ZNF792: variants seen among roughly 807,000 people sequenced by gnomAD.
ZNF792 encodes zinc finger protein 792.
ZNF792 carries 14 observed loss-of-function variants against 13.1 expected under a neutral mutation model. That is an observed-to-expected ratio of 1.07 (90% CI 0.71 to 1.67). The LOEUF is 1.67. Ranked by LOEUF, ZNF792 falls within the 40% of genes most tolerant of loss-of-function variation. The probability of loss-of-function intolerance (pLI) is 0.00; values close to 1 mark genes in which losing one functional copy is unlikely to be tolerated. For missense variants in ZNF792, 740 were observed against 807.9 expected (o/e 0.92, Z 1.02); for synonymous variants, 257 against 292.0 (o/e 0.88, Z 1.22).
In ZNF792 at chr19:34,958,580, G is replaced by A. The variant is rs532773270; in HGVS notation, c.1275C>T (p.Asn425=). The A allele has an allele frequency of 2.4e-5, 39 of 1,604,138 alleles. No individual in the cohort carries two copies. In the Admixed American group the frequency reaches 3.5e-4, roughly 15 times the overall value. The change falls in exon 4 of 4, where the codon AAC becomes AAT. Residue 425 remains asparagine (N), a synonymous_variant. Transcript: ENST00000404801. ...TGTGGCTGAAGAATTTCCCACATTC[G>A]TTACACTTGTAAGGTCTTTCTCCAG... The part of the protein sequence containing the change: ...VHTGERPYKC[N]ECGKFFSHIA...
rs1242579216 is a variant in ZNF792 at position 34,963,616 on chromosome 19, G to A, written c.33+14C>T. On this transcript the variant is annotated intron_variant, in intron 1 of 3. Coordinates refer to ENST00000404801, the MANE Select transcript of ZNF792 (RefSeq NM_175872.5). Reference sequence around the variant, plus strand: ...GGGGGCCGACAGCGAAGGGCCTAACGTCCAAGCACTCACCTGCGCGGGGTC... The same window carrying A: ...GGGGGCCGACAGCGAAGGGCCTAACATCCAAGCACTCACCTGCGCGGGGTC... The A allele has an allele frequency of 6.2e-7, 1 of 1,602,620 alleles. No individual in the cohort carries two copies. Among genetic ancestry groups the A allele is most frequent in the South Asian group, 1.1e-5 (1 of 88,702 alleles).
In ZNF792 at chr19:34,959,309, C is replaced by A. The variant is rs375532511; in HGVS notation, c.546G>T (p.Gln182His). 100 of 1,613,948 alleles carry A rather than the reference C, an allele frequency of 6.2e-5. No individual in the cohort carries two copies. The highest frequency in any genetic ancestry group is 1.7e-4 in the Admixed American group (10 of 60,004). ...CCGTTCTGATAGGGTTGTGTACGTT[C>A]TGCTGCACCTGTTTCCGGGGAAGGT... is the stretch of plus-strand genomic sequence containing the variant. ...SANLPRKQVQ[Q>H]NVHNPIRTEE... The change falls in exon 4 of 4, where the codon CAG becomes CAT. Residue 182 changes from glutamine to histidine, a missense_variant. Transcript: ENST00000404801.
At chr19:34,960,464 T>A in intron 2 of ZNF792, 107 bp from the exon 3 acceptor site, 1 of 1,420,514 alleles carries the variant, frequency 7.0e-7, no homozygotes, top group South Asian at 1.3e-5. Flanking sequence ...CATTGGGTGG[T>A]CACGGCAAGC....
intron 3 of ZNF792, among the ~76,000 whole-genome samples, chr19:34,959,906 CA>C (rs887637222): frequency 3.9e-5 from 6 of 152,146 alleles, no homozygotes; most frequent in African/African-American, 1.4e-4. Flanking sequence ...CTAGACCCAG[CA>C]AAACCTGCAA....
Position 34,960,225 on chromosome 19 carries a change from C to G in ZNF792, c.283+10G>C, listed in dbSNP as rs201301780. ...AGTCACATCCTCCCCTAGCTCCCAT[C>G]GCTGCTTACCAGAGCCAGGCCTGCC... On this transcript the variant is annotated intron_variant, in intron 3 of 3. Transcript: ENST00000404801. 6.2e-7 allele frequency: 1 copy of G among 1,613,142 alleles called. No homozygotes were observed. The highest frequency in any genetic ancestry group is 1.3e-5 in the African/African-American group (1 of 75,036).
In ZNF792 at chr19:34,960,261, C is replaced by G; in HGVS notation, c.257G>C (p.Arg86Thr). 1 of 1,613,940 alleles carries G rather than the reference C, an allele frequency of 6.2e-7. No individual in the cohort carries two copies. The highest frequency in any genetic ancestry group is 1.1e-5 in the South Asian group (1 of 91,070). Residue 86 changes from arginine (R) to threonine (T), a missense_variant, in exon 3 of 4, where the codon AGA (arginine) becomes ACA (threonine). Coordinates refer to ENST00000404801, the MANE Select transcript of ZNF792 (RefSeq NM_175872.5). ...DSVDMTSAMA[R>T]GAYGRPGSDF... Reference sequence around the variant, plus strand: ...AGAGCCAGGCCTGCCATAAGCCCCTCTGGCCATGGCTGATGTCATATCCAC... The same window carrying G: ...AGAGCCAGGCCTGCCATAAGCCCCTGTGGCCATGGCTGATGTCATATCCAC...
At position 34,960,899 on chromosome 19, in the gene ZNF792, C is replaced by A; in HGVS notation, c.129G>T (p.Met43Ile). Residue 43 changes from methionine to isoleucine, a missense_variant, in exon 2 of 4, where the codon ATG becomes ATT. Transcript: ENST00000404801. ...EAQRLLYCDV[M>I]LENFALIASL... ...AGGCTATAAGTGCAAAGTTTTCCAG[C>A]ATCACATCGCAGTACAGGAGTCTCT... is the stretch of plus-strand genomic sequence containing the variant. 6.2e-7 allele frequency: 1 copy of A among 1,614,072 alleles called. No homozygotes were observed. The highest frequency in any genetic ancestry group is 1.1e-5 in the South Asian group (1 of 91,080).
At position 34,958,197 on chromosome 19, in the gene ZNF792, A is replaced by G; in HGVS notation, c.1658T>C (p.Leu553Pro). 1.2e-6 allele frequency: 2 copies of G among 1,611,630 alleles called. No individual in the cohort carries two copies. Among genetic ancestry groups the G allele is most frequent in the Non-Finnish European group, 1.7e-6 (2 of 1,178,114 alleles). The change falls in exon 4 of 4, where the codon CTG (leucine) becomes CCG (proline). Residue 553 changes from leucine to proline, a missense_variant. Physicochemically the swap from Leu to Pro is moderately conservative, Grantham distance 98. Transcript: ENST00000404801. ...FRQRSNLRQH[L>P]KVHKPDRPYE... is the part of the protein sequence containing the mutation. Reference sequence around the variant, plus strand: ...AGGCCTGTCTGGTTTGTGAACTTTCAGGTGCTGCCTCAGATTGGACCTCTG... The same window carrying G: ...AGGCCTGTCTGGTTTGTGAACTTTCGGGTGCTGCCTCAGATTGGACCTCTG...
In ZNF792 at chr19:34,958,887, G is replaced by C. The variant is rs2013480322; in HGVS notation, c.968C>G (p.Ser323Cys). The change falls in exon 4 of 4, where the codon TCC becomes TGC. Residue 323 changes from serine (S) to cysteine (C), a missense_variant. By Grantham distance (112) the Ser-to-Cys change is moderately radical. Transcript: ENST00000404801. Reference protein sequence around the residue: ...CECGKFFSQHSSLVKHRRVHT... With the variant: ...CECGKFFSQHCSLVKHRRVHT... ...AACCCTGCGATGTTTAACAAGGCTG[G>C]AGTGCTGGCTGAAGAATTTTCCACA... 6.2e-7 allele frequency: 1 copy of C among 1,613,578 alleles called. No homozygotes were observed.
At position 34,959,424 on chromosome 19, in the gene ZNF792, A is replaced by G. The variant is rs760895388; in HGVS notation, c.431T>C (p.Ile144Thr). Reference protein sequence around the residue: ...CDICGLRLKDILHLAEHQTTH... With the variant: ...CDICGLRLKDTLHLAEHQTTH... ...TGTCTGGTGTTCAGCCAAATGCAAA[A>G]TGTCTTTCAAACGTAGGCCACATAT... Residue 144 changes from isoleucine to threonine, a missense_variant, in exon 4 of 4, where the codon ATT becomes ACT. Ile to Thr is a moderately conservative substitution (Grantham distance 89). Transcript: ENST00000404801. The G allele has an allele frequency of 3.7e-6, 6 of 1,614,022 alleles. No homozygotes were observed. The highest frequency in any genetic ancestry group is 4.2e-6 in the Non-Finnish European group (5 of 1,179,990).
chr19:34,957,419 G>A lies in ZNF792; in HGVS notation c.*537C>T, dbSNP rs2013447932. On this transcript the variant is annotated 3_prime_UTR_variant, in exon 4 of 4. Transcript: ENST00000404801. ...CCAAGATAATCTGGAGACCCCTTCA[G>A]TTTGGTAGATCTTAACTCTGCTCTT... The A allele has an allele frequency of 6.6e-6, 1 of 152,334 alleles. No homozygotes were observed. Among genetic ancestry groups the A allele is most frequent in the Admixed American group, 6.5e-5 (1 of 15,274 alleles). 9.4% of individuals were successfully genotyped at this position (152,334 alleles called of 1,614,324 possible).
chr19:34,962,147 T>C (rs1409792819), intron 1 of ZNF792, among the ~76,000 whole-genome samples: 1 of 152,182 alleles, frequency 6.6e-6, no homozygotes, highest in East Asian at 1.9e-4. Flanking sequence ...ATTGTCACCA[T>C]GACCTGAAGT....
chr19:34,959,633 C>G, intron 3 of ZNF792, 62 bp from the exon 4 acceptor site: 1 of 1,490,696 alleles, frequency 6.7e-7, no homozygotes, highest in South Asian at 1.4e-5. Context: ...AGAGCCCCAT[C>G]ACCTATGCTT....
In ZNF792 at chr19:34,958,147, C is replaced by T. The variant is rs144292532; in HGVS notation, c.1708G>A (p.Ala570Thr). The T allele has an allele frequency of 3.2e-5, 52 of 1,613,792 alleles. No homozygotes were observed. The African/African-American group carries it at 6.3e-4, about 19-fold the overall frequency. ...ATGAGGGTAGGCCTTTGGTTGAAGG[C>T]TTTCCCACATTCGCTGCATTCGTAA... ...RPYECSECGK[A>T]FNQRPTLIRH... The change falls in exon 4 of 4, where the codon GCC becomes ACC. Residue 570 changes from alanine to threonine, a missense_variant. By Grantham distance (58) the Ala-to-Thr change is moderately conservative (BLOSUM62 0). Coordinates refer to ENST00000404801, the MANE Select transcript of ZNF792 (RefSeq NM_175872.5).
Position 34,959,549 on chromosome 19 carries a change from G to A in ZNF792, c.306C>T (p.Gly102=), listed in dbSNP as rs763705964. ...PGSDFCHGTE[G]KDLPSEHNVS... ...CGTTATGCTCAGAAGGTAAGTCCTTGCCCTCTGTTCCATGGCAAAAATCTG... is the reference window on the plus strand; with the variant it reads ...CGTTATGCTCAGAAGGTAAGTCCTTACCCTCTGTTCCATGGCAAAAATCTG... Residue 102 remains glycine, a synonymous_variant, in exon 4 of 4, where the codon GGC becomes GGT. Coordinates refer to ENST00000404801, the MANE Select transcript of ZNF792 (RefSeq NM_175872.5). 11 of 1,541,656 alleles carry A rather than the reference G, an allele frequency of 7.1e-6. No homozygotes were observed. In the South Asian group the frequency reaches 1.3e-4, roughly 18 times the overall value.
At position 34,957,285 on chromosome 19, in the gene ZNF792, A is replaced by G. The variant is rs2013445880; in HGVS notation, c.*671T>C. Reference sequence around the variant, plus strand: ...TAAAAATTCACGCCATTCAGACCACAATATTATACCCATAAATTCCTACAA... The same window carrying G: ...TAAAAATTCACGCCATTCAGACCACGATATTATACCCATAAATTCCTACAA... On this transcript the variant is annotated 3_prime_UTR_variant, in exon 4 of 4. Transcript: ENST00000404801. 6.6e-6 allele frequency: 1 copy of G among 152,186 alleles called. No individual in the cohort carries two copies. The highest frequency in any genetic ancestry group is 2.4e-5 in the African/African-American group (1 of 41,442). 9.4% of individuals were successfully genotyped at this position (152,186 alleles called of 1,614,324 possible). A position where few individuals can be genotyped will look rare whatever the true frequency, so the allele number is the denominator to read the frequency against.
rs2013557660 is a variant in ZNF792 at position 34,963,479 on chromosome 19, T to G, written c.33+151A>C. 5 of 1,110,604 alleles carry G rather than the reference T, an allele frequency of 4.5e-6. No individual in the cohort carries two copies. In the South Asian group the frequency reaches 5.4e-5, roughly 12 times the overall value. The allele number at this position is 1,110,604 out of a possible 1,614,324, so 68.8% of individuals were successfully genotyped here. On this transcript the variant is annotated intron_variant, in intron 1 of 3. Coordinates refer to ENST00000404801, the MANE Select transcript of ZNF792 (RefSeq NM_175872.5). ...CCCTGCCCTGATTCAGGATCCTAGC[T>G]GGGAGCAACTCCCTTCCAGGGTCCC...
rs1408400187 is a variant in ZNF792, at chr19:34,961,013, T to C, written c.34-19A>G. The stretch of plus-strand genomic sequence containing the variant: ...CGCAGCCCTGCCATGATGGGGACAG[T>C]TCGTTCCATGATCAGTCTCTGTCCT... On this transcript the variant is annotated intron_variant, in intron 1 of 3. Coordinates refer to ENST00000404801, the MANE Select transcript of ZNF792 (RefSeq NM_175872.5). 1.2e-6 allele frequency: 2 copies of C among 1,605,566 alleles called. No individual in the cohort carries two copies. Among genetic ancestry groups the C allele is most frequent in the Non-Finnish European group, 8.5e-7 (1 of 1,174,670 alleles).
In ZNF792 at chr19:34,959,064, T is replaced by C. The variant is rs1375123805; in HGVS notation, c.791A>G (p.Asn264Ser). ...NKCCESGDAF[N>S]NKSTLVQHQR... The stretch of plus-strand genomic sequence containing the variant: ...GTGCTGAACAAGAGTGGATTTGTTA[T>C]TGAAGGCATCCCCAGATTCACAGCA... Residue 264 changes from asparagine to serine, a missense_variant, in exon 4 of 4, where the codon AAT (asparagine) becomes AGT (serine). Coordinates refer to ENST00000404801, the MANE Select transcript of ZNF792 (RefSeq NM_175872.5). 3.7e-6 allele frequency: 6 copies of C among 1,614,090 alleles called. No homozygotes were observed. Among genetic ancestry groups the C allele is most frequent in the Non-Finnish European group, 5.1e-6 (6 of 1,180,010 alleles).
Sources: allele counts gnomAD v4.1 joint callset (sites outside exome capture counted in the v4.1 genomes callset), GRCh38; gene constraint gnomAD v4.1.1; transcripts MANE v1.5; gene names NCBI Gene and HGNC (gene_info 2026-07-23, HGNC 2026-07-21).